Variants in SGCZ observed in about 807,000 individuals in gnomAD.
SGCZ encodes the protein zeta-sarcoglycan.
In SGCZ, 40 loss-of-function variants were observed where a neutral mutation model predicts 41.3. The ratio of observed to expected loss-of-function variants is 0.97; its 90% confidence interval spans 0.75 to 1.26. SGCZ has a LOEUF of 1.26. Among genes scored for constraint, SGCZ ranks in the 50% most tolerant of loss-of-function variants. The pLI is 0.00. For synonymous variants in SGCZ, 206 were observed against 137.5 expected, an observed-to-expected ratio of 1.50 and a Z score of -3.49; for missense variants, 552 against 369.8, an observed-to-expected ratio of 1.49 and a Z score of -4.04.
chr8:15,078,147 CTTTTTTTTTTTTTTTT>C (rs34411963), intron 1 of SGCZ, among the ~76,000 whole-genome samples: 4 of 44,798 alleles, frequency 8.9e-5, no homozygotes, highest in Non-Finnish European at 1.3e-4. Flanking sequence ...AGGAACTCTT[CTTTTTTTTTTTTTTTT>C]TTTTTTTTTT....
intron 3 of SGCZ, among the ~76,000 whole-genome samples, chr8:14,313,312 T>A (rs1301346020): frequency 6.6e-6 from 1 of 152,172 alleles, no homozygotes; most frequent in Non-Finnish European, 1.5e-5. Flanking sequence ...GCTGATTTTT[T>A]AAATTAATTA....
At chr8:15,181,580 G>C (rs1800181422) in intron 1 of SGCZ, among the ~76,000 whole-genome samples, 1 of 152,050 alleles carries the variant, frequency 6.6e-6, no homozygotes, top group South Asian at 2.1e-4. Flanking sequence ...TTGTGTCTTT[G>C]CCTCAAACCA....
intron 1 of SGCZ, among the ~76,000 whole-genome samples, chr8:15,037,310 T>C (rs532004696): frequency 9.2e-5 from 14 of 152,314 alleles, no homozygotes; most frequent in African/African-American, 3.1e-4. Context: ...CCCACCTTGT[T>C]TGGCATTTCT....
intron 5 of SGCZ, among the ~76,000 whole-genome samples, chr8:14,163,641 G>A (rs1246074320): frequency 1.3e-5 from 2 of 152,132 alleles, no homozygotes; most frequent in Non-Finnish European, 1.5e-5. Context: ...TCATTCAGAT[G>A]AGGGAAAATC....
chr8:15,073,602 A>G (rs1454594), intron 1 of SGCZ, among the ~76,000 whole-genome samples: 122,191 of 152,024 alleles, frequency 0.8, 50,058 homozygotes, highest in Non-Finnish European at 0.89. Flanking sequence ...ACTGCTCTCC[A>G]TAATGTGGGT....
intron 2 of SGCZ, among the ~76,000 whole-genome samples, chr8:14,458,366 A>G (rs1563342713): frequency 2.0e-5 from 3 of 152,192 alleles, no homozygotes; most frequent in South Asian, 4.1e-4. Context: ...ATGACCGTAA[A>G]CAAATATTGA....
At chr8:14,856,396 G>A (rs1016443326) in intron 1 of SGCZ, among the ~76,000 whole-genome samples, 1 of 152,146 alleles carries the variant, frequency 6.6e-6, no homozygotes, top group Non-Finnish European at 1.5e-5. Flanking sequence ...GGAAGAAGAA[G>A]TGTACTTAGA....
chr8:14,532,663 A>G (rs750166169), intron 2 of SGCZ, among the ~76,000 whole-genome samples: 35 of 130,482 alleles, frequency 2.7e-4, no homozygotes, highest in Non-Finnish European at 4.3e-4. Context: ...TTGAGAGTTT[A>G]GGGAAAATGT....
intron 1 of SGCZ, among the ~76,000 whole-genome samples, chr8:15,028,061 C>T (rs1803520846): frequency 1.3e-5 from 2 of 152,078 alleles, no homozygotes; most frequent in Admixed American, 6.6e-5. Flanking sequence ...CCACTGCCTT[C>T]CGCATTCACA....
rs559878457 is a variant in SGCZ at position 15,225,464 on chromosome 8, T to C, written c.39+12121A>G. Among the ~76,000 whole-genome samples, 4 of 152,266 alleles carry C rather than the reference T, an allele frequency of 2.6e-5. No homozygotes were observed. The South Asian group carries it at 8.3e-4, about 32-fold the overall frequency. On this transcript the variant is annotated intron_variant, in intron 1 of 7. Transcript: ENST00000382080. The stretch of plus-strand genomic sequence containing the variant: ...TGACTAAGTAGAACTTAGTCGTTCA[T>C]TGAAGTTATGGTACCGTGTTTGAGT...
intron 1 of SGCZ, among the ~76,000 whole-genome samples, chr8:15,215,064 A>C (rs1198496039): frequency 6.6e-6 from 1 of 152,178 alleles, no homozygotes; most frequent in African/African-American, 2.4e-5. Context: ...TAATCTTGAA[A>C]CAACTCCCTC....
chr8:14,510,209 C>T (rs568914553), intron 2 of SGCZ, among the ~76,000 whole-genome samples: 13 of 152,134 alleles, frequency 8.5e-5, no homozygotes, highest in African/African-American at 2.4e-4. Flanking sequence ...AAAAATTCTC[C>T]TTTATTTAAA....
chr8:14,585,801 A>G (rs1317018711), intron 1 of SGCZ, among the ~76,000 whole-genome samples: 1 of 152,152 alleles, frequency 6.6e-6, no homozygotes, highest in East Asian at 1.9e-4. Flanking sequence ...ACAAAGCAAA[A>G]AGTTCATGTG....
At chr8:14,589,489 G>A (rs1171329895) in intron 1 of SGCZ, among the ~76,000 whole-genome samples, 6 of 152,030 alleles carry the variant, frequency 3.9e-5, no homozygotes, top group East Asian at 1.9e-4. Flanking sequence ...ATATAGCTTT[G>A]GAATCAGACA....
At position 14,714,229 on chromosome 8, in the gene SGCZ, A is replaced by C. The variant is rs1475857181; in HGVS notation, c.40-159303T>G. ...TGATCTGCCCGTCTCGGCCTCCCAA[A>C]GTACTAAGATTACAGGCATGAGCCA... On this transcript the variant is annotated intron_variant, in intron 1 of 7. Coordinates refer to ENST00000382080, the MANE Select transcript of SGCZ (RefSeq NM_139167.4). Among the ~76,000 whole-genome samples, 10 of 152,260 alleles carry C rather than the reference A, an allele frequency of 6.6e-5. No homozygotes were observed. The East Asian group carries it at 1.9e-3, about 29-fold the overall frequency.
At chr8:15,146,208 G>C (rs372086567) in intron 1 of SGCZ, among the ~76,000 whole-genome samples, 1 of 152,042 alleles carries the variant, frequency 6.6e-6, no homozygotes, top group East Asian at 1.9e-4. Flanking sequence ...AGAAATATAA[G>C]TGAAGCACAA....
intron 5 of SGCZ, among the ~76,000 whole-genome samples, chr8:14,159,648 C>A (rs762555566): frequency 6.6e-6 from 1 of 152,124 alleles, no homozygotes; most frequent in Non-Finnish European, 1.5e-5. Flanking sequence ...AGTGATTGCA[C>A]GTTCCTTTTC....
intron 2 of SGCZ, among the ~76,000 whole-genome samples, chr8:14,551,512 T>TA (rs1417946756): frequency 2.0e-3 from 12 of 6,094 alleles, no homozygotes; most frequent in African/African-American, 6.7e-3. Context: ...ATATATTATA[T>TA]ATATTATATA....
chr8:14,276,927 C>T (rs566993472), intron 3 of SGCZ, among the ~76,000 whole-genome samples: 2 of 152,242 alleles, frequency 1.3e-5, no homozygotes, highest in Admixed American at 6.5e-5. Context: ...AATGGAAACC[C>T]CTAGAGAATA....
Sources: allele counts gnomAD v4.1 joint callset (sites outside exome capture counted in the v4.1 genomes callset), GRCh38; gene constraint gnomAD v4.1.1; transcripts MANE v1.5; gene names NCBI Gene and HGNC (gene_info 2026-07-23, HGNC 2026-07-21).